Variants in NTRK3 observed in about 807,000 individuals in gnomAD.
The protein encoded by NTRK3 is NT-3 growth factor receptor.
In NTRK3, 24 loss-of-function variants were observed where a neutral mutation model predicts 91.7. That is an observed-to-expected ratio of 0.26 (90% CI 0.19 to 0.37). The LOEUF (loss-of-function observed/expected upper bound fraction) is 0.37. Among genes scored for constraint, NTRK3 ranks in the 10% least tolerant of loss-of-function variants. NTRK3 has a pLI of 1.00. For synonymous variants in NTRK3, 483 were observed against 404.0 expected, an observed-to-expected ratio of 1.20 and a Z score of -2.34; for missense variants, 880 against 1,068.9, an observed-to-expected ratio of 0.82 and a Z score of 2.46.
chr15:88,070,072 T>A (rs2046974812), intron 13 of NTRK3, among the ~76,000 whole-genome samples: 1 of 152,162 alleles, frequency 6.6e-6, no homozygotes, highest in Non-Finnish European at 1.5e-5. Flanking sequence ...CCTGCCAGCA[T>A]CCTTCAGTGC....
chr15:88,102,591 G>T (rs890828406), intron 13 of NTRK3, among the ~76,000 whole-genome samples: 1 of 152,020 alleles, frequency 6.6e-6, no homozygotes, highest in Non-Finnish European at 1.5e-5. Flanking sequence ...TACATATTAC[G>T]TGCTTGTATC....
intron 3 of NTRK3, among the ~76,000 whole-genome samples, chr15:88,187,157 T>A (rs764197392): frequency 1.3e-5 from 2 of 152,206 alleles, no homozygotes; most frequent in Non-Finnish European, 2.9e-5. Context: ...ATCAGGCTTC[T>A]GCTGGAAGTT....
intron 3 of NTRK3, among the ~76,000 whole-genome samples, chr15:88,196,489 C>T (rs1445430288): frequency 6.6e-6 from 1 of 152,238 alleles, no homozygotes; most frequent in Admixed American, 6.5e-5. Flanking sequence ...CCTGTAAGAC[C>T]TGAGCACTGA....
intron 17 of NTRK3, among the ~76,000 whole-genome samples, chr15:87,914,559 T>G (rs1357566066): frequency 1.3e-5 from 2 of 152,222 alleles, no homozygotes; most frequent in African/African-American, 4.8e-5. Flanking sequence ...ATTAAGTAAC[T>G]TTTATTAAGC....
chr15:88,155,805 CATCTATCTATCTATCT>C lies in NTRK3; in HGVS notation c.396-8418_396-8403del, dbSNP rs71146401. Among the ~76,000 whole-genome samples the C allele has an allele frequency of 1.5e-3, 223 of 150,678 alleles. 5 individuals carry two copies. Among genetic ancestry groups the C allele is most frequent in the Non-Finnish European group, 3.1e-4 (21 of 67,640 alleles). On this transcript the variant is annotated intron_variant, in intron 5 of 18. Transcript: ENST00000394480. ...AACATCAATTCAACTTGTAATCTAT[CATCTATCTATCTATCT>C]ATCTATCTATCTATCTATCTATCTA... is the stretch of plus-strand genomic sequence containing the variant.
intron 13 of NTRK3, among the ~76,000 whole-genome samples, chr15:88,115,296 G>A (rs187500546): frequency 1.1e-4 from 16 of 152,290 alleles, no homozygotes; most frequent in Non-Finnish European, 1.6e-4. Flanking sequence ...ACAAAGCAGC[G>A]GGCTGGTGCT....
At chr15:87,978,573 C>G (rs1041259182) in intron 14 of NTRK3, 3 of 229,852 alleles carry the variant, frequency 1.3e-5, no homozygotes, top group East Asian at 6.2e-5. Context: ...CAAAGCTTGT[C>G]GGAACTGCAG....
At chr15:87,872,369 G>A (rs1388117154) in exon 19 of NTRK3, 1 of 224,500 alleles carries the variant, frequency 4.5e-6, no homozygotes, top group Non-Finnish European at 8.9e-6. Flanking sequence ...GAATAGAAAA[G>A]GACTTTGGTG....
chr15:88,081,735 G>C (rs2048061096), intron 13 of NTRK3, among the ~76,000 whole-genome samples: 1 of 152,190 alleles, frequency 6.6e-6, no homozygotes, highest in South Asian at 2.1e-4. Context: ...TGAAGTACCT[G>C]AGACAGGGCT....
intron 17 of NTRK3, among the ~76,000 whole-genome samples, chr15:87,902,496 A>C (rs1350367531): frequency 1.3e-5 from 2 of 152,208 alleles, no homozygotes; most frequent in Admixed American, 1.3e-4. Context: ...TCTTGGGCAG[A>C]CAAAGAGAGA....
intron 6 of NTRK3, chr15:88,143,962 T>G (rs1203989954): frequency 6.6e-6 from 1 of 152,202 alleles, no homozygotes; most frequent in Non-Finnish European, 1.5e-5. Flanking sequence ...CAAGATACAT[T>G]AAGGATCCTT....
At chr15:88,256,033 T>C (rs1224048634) in exon 3 of NTRK3, 1 of 1,613,058 alleles carries the variant, frequency 6.2e-7, no homozygotes, top group Non-Finnish European at 8.5e-7. Context: ...TTGATCTCAG[T>C]CTTGCTGCAG....
chr15:87,937,042 T>C (rs2069358123), intron 15 of NTRK3, among the ~76,000 whole-genome samples: 1 of 152,220 alleles, frequency 6.6e-6, no homozygotes, highest in Non-Finnish European at 1.5e-5. Flanking sequence ...AGATTTTCTC[T>C]GCCCCAGGGC....
chr15:88,104,318 T>C (rs918396525), intron 13 of NTRK3, among the ~76,000 whole-genome samples: 1 of 152,252 alleles, frequency 6.6e-6, no homozygotes, highest in Non-Finnish European at 1.5e-5. Flanking sequence ...AATACATTTA[T>C]CAGCTTCCTT....
exon 3 of NTRK3, chr15:88,256,114 G>T (rs111731219): frequency 9.7e-6 from 15 of 1,547,096 alleles, no homozygotes; most frequent in African/African-American, 6.9e-5. Context: ...AAGAAAATCC[G>T]CCAGAAACTA....
At chr15:88,147,260 C>G in intron 6 of NTRK3, 75 bp downstream of exon 6, 1 of 1,372,898 alleles carries the variant, frequency 7.3e-7, no homozygotes, top group Non-Finnish European at 1.0e-6. Flanking sequence ...CAGGTGGTTC[C>G]ACTGCTTGAC....
intron 17 of NTRK3, among the ~76,000 whole-genome samples, chr15:87,885,047 C>T (rs1168127390): frequency 6.6e-6 from 1 of 151,824 alleles, no homozygotes; most frequent in East Asian, 1.9e-4. Context: ...CAGTTAGAAC[C>T]ATTATATGAT....
chr15:88,033,788 C>T (rs1039300621), intron 13 of NTRK3, among the ~76,000 whole-genome samples: 5 of 152,180 alleles, frequency 3.3e-5, no homozygotes, highest in African/African-American at 1.2e-4. Context: ...TTTTCACTTT[C>T]TCCCAAGTCC....
intron 13 of NTRK3, among the ~76,000 whole-genome samples, chr15:88,057,404 G>C (rs1312247466): frequency 6.6e-6 from 1 of 151,302 alleles, no homozygotes; most frequent in African/African-American, 2.4e-5. Flanking sequence ...AGGCTGAGGT[G>C]GGAGAAACGC....
Sources: gnomAD v4.1 joint callset for allele counts (sites outside exome capture counted in the v4.1 genomes callset) on GRCh38, gnomAD v4.1.1 for gene constraint, MANE v1.5 for transcripts, NCBI Gene and HGNC (gene_info 2026-07-23, HGNC 2026-07-21) for gene names.